Variants in SPNS3 observed in about 807,000 individuals in gnomAD.
SPNS3 encodes the protein protein spinster homolog 3.
Under a neutral mutation model 54.4 loss-of-function variants are expected in SPNS3, and 51 were observed. The ratio of observed to expected loss-of-function variants is 0.94; its 90% CI spans 0.75 to 1.18. The LOEUF is 1.18. Among genes scored for constraint, SPNS3 ranks in the 50% most tolerant of loss-of-function variants. The pLI, the probability that SPNS3 is intolerant of heterozygous loss-of-function variation, is 0.00. For missense variants in SPNS3, 669 were observed against 677.4 expected, an observed-to-expected ratio of 0.99 and a Z score of 0.14; for synonymous variants, 309 against 294.7, an observed-to-expected ratio of 1.05 and a Z score of -0.50.
chr17:4,446,718 C>T, intron 4 of SPNS3, 178 bp from the exon 5 acceptor site: 1 of 639,776 alleles, frequency 1.6e-6, no homozygotes, highest in South Asian at 1.8e-5. Flanking sequence ...GGTGACCTGA[C>T]CGAGGGCAGT....
chr17:4,481,930 C>CT (rs1972163867), intron 9 of SPNS3: 1 of 151,800 alleles, frequency 6.6e-6, no homozygotes, highest in Admixed American at 6.6e-5. Flanking sequence ...CGCACTGTCG[C>CT]CAGGCTGGAG....
chr17:4,478,341 G>A (rs543777687), intron 8 of SPNS3, among the ~76,000 whole-genome samples: 16 of 152,210 alleles, frequency 1.1e-4, no homozygotes, highest in African/African-American at 2.2e-4. Flanking sequence ...GGGCCCCAGC[G>A]AGGGACTCCA....
chr17:4,468,721 T>TTTC lies in SPNS3; in HGVS notation c.1114-9849_1114-9848insCTT, dbSNP rs1555531861. ...TTTTCTTTATTTCTCTCTCTCTTTC[T>TTTC]TTTCTTTCTTTCTTTCTTTCTTTCT... On this transcript the variant is annotated intron_variant, in intron 8 of 11. Transcript: ENST00000355530. 1.1e-4 allele frequency among the ~76,000 whole-genome samples: 13 copies of TTTC among 121,450 alleles called. No homozygotes were observed. In the South Asian group the frequency reaches 3.8e-3, roughly 36 times the overall value. The allele number at this position is 121,450 out of a possible 152,430, so 79.7% of individuals were successfully genotyped here.
chr17:4,484,737 C>A (rs974778787), intron 9 of SPNS3, among the ~76,000 whole-genome samples: 71 of 152,132 alleles, frequency 4.7e-4, no homozygotes, highest in African/African-American at 1.6e-3. Context: ...GTGGTCTCTG[C>A]TTGAGTCCCC....
At chr17:4,437,106 G>A (rs925260050) in intron 1 of SPNS3, among the ~76,000 whole-genome samples, 1 of 152,216 alleles carries the variant, frequency 6.6e-6, no homozygotes, top group Admixed American at 6.6e-5. Context: ...ACCGTGCTGA[G>A]CATCTGGGAA....
chr17:4,449,922 G>T (rs1213875358), intron 7 of SPNS3, among the ~76,000 whole-genome samples: 2 of 152,088 alleles, frequency 1.3e-5, no homozygotes, highest in African/African-American at 2.4e-5. Context: ...TCTGCTGCCC[G>T]GCTGGGCTCC....
chr17:4,462,845 GCAC>G (rs1971572016), intron 8 of SPNS3, among the ~76,000 whole-genome samples: 2 of 17,040 alleles, frequency 1.2e-4, no homozygotes, highest in Admixed American at 6.2e-4. Flanking sequence ...ATTCAACCAC[GCAC>G]CCACCCACCC....
chr17:4,486,408 G>A lies in SPNS3; in HGVS notation c.1279-4G>A, dbSNP rs113543680. The A allele has an allele frequency of 1.1e-5, 17 of 1,601,716 alleles. No homozygotes were observed. The highest frequency in any genetic ancestry group is 1.7e-5 in the Admixed American group (1 of 58,462). ...CTGGCAGACTCATCCCTTCTCCTCC[G>A]CAGATCTCTAGTGTCCTGCGGGCCA... On this transcript the variant is annotated splice_region_variant and splice_polypyrimidine_tract_variant and intron_variant, in intron 10 of 11. Transcript: ENST00000355530. This position sits in a 1 kb window ranked among gnomAD's most constrained non-coding sequence, Gnocchi z 5.5.
At chr17:4,435,559 G>C (rs1970694873) in intron 1 of SPNS3, among the ~76,000 whole-genome samples, 2 of 152,118 alleles carry the variant, frequency 1.3e-5, no homozygotes, top group African/African-American at 4.8e-5. Context: ...GGTGAGGACA[G>C]CAGGCAGGAC....
In SPNS3 at chr17:4,446,145, G is replaced by A. The variant is rs755741874; in HGVS notation, c.500G>A (p.Arg167Lys). ...ACCGTCCTGGGCGACCTCTTCGTGA[G>A]GGACCAGCGCACCCGCGTGCTGGCT... The part of the protein sequence containing the change: ...APTVLGDLFV[R>K]DQRTRVLAVF... Residue 167 changes from arginine (R) to lysine (K), a missense_variant, in exon 4 of 12, where the codon AGG (arginine) becomes AAG (lysine). By Grantham distance (26) the Arg-to-Lys change is conservative. Transcript: ENST00000355530. The A allele has an allele frequency of 5.6e-5, 91 of 1,613,584 alleles. 1 individual carries two copies. The highest frequency in any genetic ancestry group is 7.1e-5 in the Non-Finnish European group (84 of 1,179,698).
chr17:4,459,239 C>T (rs1297092218), intron 8 of SPNS3, among the ~76,000 whole-genome samples: 5 of 152,106 alleles, frequency 3.3e-5, no homozygotes, highest in African/African-American at 7.2e-5. Flanking sequence ...GGGTCCAGGT[C>T]TGGTTCTAGT....
chr17:4,439,632 C>G (rs1407416535), intron 1 of SPNS3, 26 bp from the exon 2 acceptor site: 1 of 1,608,346 alleles, frequency 6.2e-7, no homozygotes, highest in Non-Finnish European at 8.5e-7. Context: ...CTTCCCGTTT[C>G]CTGAGCACTG....
chr17:4,473,361 T>C (rs1477022134), intron 8 of SPNS3, among the ~76,000 whole-genome samples: 1 of 151,300 alleles, frequency 6.6e-6, no homozygotes. Flanking sequence ...CTGAGGCCTT[T>C]AGATCCAGGA....
intron 2 of SPNS3, among the ~76,000 whole-genome samples, chr17:4,443,280 C>G (rs764568714): frequency 2.0e-4 from 30 of 152,004 alleles, no homozygotes; most frequent in Admixed American, 1.3e-4. Context: ...CATGTTGGCC[C>G]GGCTGGTCTC....
chr17:4,439,641 T>A lies in SPNS3; in HGVS notation c.200-17T>A, dbSNP rs1435657791. The A allele has an allele frequency of 3.1e-6, 5 of 1,611,004 alleles. No homozygotes were observed. Among genetic ancestry groups the A allele is most frequent in the Non-Finnish European group, 4.2e-6 (5 of 1,178,716 alleles). ...GGGCTACTTCCCGTTTCCTGAGCAC[T>A]GTCCCTCTGTCTGCAGGAGTGCTGC... On this transcript the variant is annotated splice_polypyrimidine_tract_variant and intron_variant, in intron 1 of 11. Transcript: ENST00000355530.
At chr17:4,440,486 C>T (rs1237112870) in intron 2 of SPNS3, among the ~76,000 whole-genome samples, 8 of 152,142 alleles carry the variant, frequency 5.3e-5, no homozygotes, top group Non-Finnish European at 1.5e-5. Flanking sequence ...AGTCACTTTC[C>T]AGGGGTTACA....
At chr17:4,478,514 A>C (rs933524216) in intron 8 of SPNS3, 58 bp from the exon 9 acceptor site, 8 of 1,485,158 alleles carry the variant, frequency 5.4e-6, no homozygotes, top group Non-Finnish European at 7.4e-6. Context: ...GGGAAGCAAC[A>C]GGTGGGGTTG....
Position 4,447,079 on chromosome 17 carries a change from GT to G in SPNS3, c.621+118del, listed in dbSNP as rs373747529. The G allele has an allele frequency of 0.015, 8,320 of 549,754 alleles. 450 individuals carry two copies. The African/African-American group carries it at 0.16, about 10-fold the overall frequency. The allele number at this position is 549,754 out of a possible 1,614,324, so 34.1% of individuals were successfully genotyped here. ...CCCGGCGCCATTAGGGGGACGGGGG[GT>G]GGTGGTCAGGCATCGGCAGCTTTGG... is the stretch of plus-strand genomic sequence containing the variant. On this transcript the variant is annotated intron_variant, in intron 5 of 11. Transcript: ENST00000355530.
intron 8 of SPNS3, among the ~76,000 whole-genome samples, chr17:4,473,616 G>A (rs1971915007): frequency 6.6e-6 from 1 of 152,116 alleles, no homozygotes; most frequent in Non-Finnish European, 1.5e-5. Context: ...TCGAACTCCT[G>A]GCCTCAAGTG....
Sources: allele counts gnomAD v4.1 joint callset (sites outside exome capture counted in the v4.1 genomes callset), GRCh38; gene constraint gnomAD v4.1.1; non-coding constraint Gnocchi (gnomAD v3.1); transcripts MANE v1.5; gene names NCBI Gene and HGNC (gene_info 2026-07-23, HGNC 2026-07-21).